RPS6KA3: variants seen among roughly 807,000 people sequenced by gnomAD.
RPS6KA3 encodes the protein ribosomal protein S6 kinase A3.
A neutral mutation model predicts 67.2 loss-of-function variants in RPS6KA3; 4 were observed. The observed-to-expected ratio is 0.06, with a 90% CI of 0.03 to 0.14. RPS6KA3 has a LOEUF of 0.14. Ranked by LOEUF, RPS6KA3 falls within the 10% of genes least tolerant of loss-of-function variation. RPS6KA3 has a pLI of 1.00. For missense variants in RPS6KA3, 204 were observed against 559.0 expected, an observed-to-expected ratio of 0.36 and a Z score of 6.40; for synonymous variants, 182 against 183.7, an observed-to-expected ratio of 0.99 and a Z score of 0.07.
At chrX:20,224,820 C>T (rs1211918012) in intron 2 of RPS6KA3, among the ~76,000 whole-genome samples, 2 of 111,273 alleles carry the variant, frequency 1.8e-5, no homozygotes, top group Admixed American at 1.9e-4. Context: ...AATCTCCCGT[C>T]GGCATGAAGA....
intron 10 of RPS6KA3, among the ~76,000 whole-genome samples, chrX:20,178,239 T>C (rs1290555276): frequency 9.0e-6 from 1 of 110,765 alleles, no homozygotes; most frequent in Non-Finnish European, 1.9e-5. Context: ...GGATATTTAA[T>C]TTAACATGGG....
chrX:20,218,889 G>A, intron 2 of RPS6KA3: 1 of 1,084,462 alleles, frequency 9.2e-7, no homozygotes. Context: ...TAAAACTTAA[G>A]TTAGAAAGGG....
chrX:20,227,835 TA>T (rs555606011), intron 2 of RPS6KA3, among the ~76,000 whole-genome samples: 13 of 109,798 alleles, frequency 1.2e-4, no homozygotes, highest in Non-Finnish European at 2.5e-4. Flanking sequence ...TATTACAACG[TA>T]AAAAAAAATG....
rs2067702529 is a variant in RPS6KA3 at position 20,176,461 on chromosome X, A to G, written c.972T>C (p.His324=). ...GPDGVEEIKR[H]SFFSTIDWNK... is the part of the protein sequence containing the mutation. ...TCCAGTCTATCGTTGAGAAAAATGA[A>G]TGTCTTTTAATTTCTTCAACTCCAT... Residue 324 remains histidine, a synonymous_variant, in exon 12 of 22, where the codon CAT becomes CAC. Transcript: ENST00000379565. 1 of 1,195,761 alleles carries G rather than the reference A, an allele frequency of 8.4e-7. No homozygotes were observed. The highest frequency in any genetic ancestry group is 1.1e-6 in the Non-Finnish European group (1 of 881,510).
intron 1 of RPS6KA3, among the ~76,000 whole-genome samples, chrX:20,244,490 A>G (rs906736615): frequency 8.9e-6 from 1 of 112,667 alleles, no homozygotes; most frequent in Non-Finnish European, 1.9e-5. Context: ...CTACAGTGCT[A>G]CCTGTGTTAC....
rs767581491 is a variant in RPS6KA3, at chrX:20,164,833, G to A, written c.1764+66C>T. On this transcript the variant is annotated intron_variant, in intron 18 of 21. Transcript: ENST00000379565. ...TCAATTAAATTATTATTAATAATTC[G>A]GTATTAAACATAGTGAATGAGTTTT... The A allele has an allele frequency of 5.4e-5, 42 of 779,279 alleles. No homozygotes were observed. The East Asian group carries it at 1.1e-3, about 19-fold the overall frequency. The allele number at this position is 779,279 out of a possible 1,213,427, so 64.2% of individuals were successfully genotyped here. A position where few individuals can be genotyped will look rare whatever the true frequency, so the allele number is the denominator to read the frequency against.
At chrX:20,197,318 C>A (rs2068300109) in intron 4 of RPS6KA3, among the ~76,000 whole-genome samples, 1 of 112,566 alleles carries the variant, frequency 8.9e-6, no homozygotes, top group African/African-American at 3.2e-5. Context: ...GTATACAAGG[C>A]TTATCACTTA....
chrX:20,248,873 T>C (rs937297882), intron 1 of RPS6KA3, among the ~76,000 whole-genome samples: 1 of 110,848 alleles, frequency 9.0e-6, no homozygotes, highest in Non-Finnish European at 1.9e-5. Flanking sequence ...TATGTAGCTG[T>C]GTTTTCTAGG....
chrX:20,215,163 T>A lies in RPS6KA3; in HGVS notation c.127-5759A>T, dbSNP rs1256399895. 2.7e-5 allele frequency among the ~76,000 whole-genome samples: 3 copies of A among 111,406 alleles called. No individual in the cohort carries two copies. In the East Asian group the frequency reaches 8.4e-4, roughly 31 times the overall value. ...TTATCTTCCCACTTTCATACTAAATTTTTTATCCTGGCAAATCTTAAAGTA... is the reference window on the plus strand; with the variant it reads ...TTATCTTCCCACTTTCATACTAAATATTTTATCCTGGCAAATCTTAAAGTA... On this transcript the variant is annotated intron_variant, in intron 2 of 21. Transcript: ENST00000379565.
chrX:20,214,841 C>CTTTT (rs753632500), intron 2 of RPS6KA3, among the ~76,000 whole-genome samples: 1 of 90,359 alleles, frequency 1.1e-5, no homozygotes, highest in Non-Finnish European at 2.2e-5. Context: ...TTCTTTTTTT[C>CTTTT]TTTTTTTTTT....
At chrX:20,218,877 G>A (rs780236361) in intron 2 of RPS6KA3, 16 of 1,155,639 alleles carry the variant, frequency 1.4e-5, no homozygotes, top group Middle Eastern at 2.4e-4. Context: ...AATTTCTGAC[G>A]GTAAAACTTA....
In RPS6KA3 at chrX:20,266,732, GGCGGCGGCGGCGGCGGCA is replaced by G. The variant is rs921062160; in HGVS notation, c.-118_-101del. 2.0e-4 allele frequency: 58 copies of G among 285,606 alleles called. No homozygotes were observed. The highest frequency in any genetic ancestry group is 6.0e-4 in the African/African-American group (7 of 11,662). The allele number at this position is 285,606 out of a possible 1,213,427, so 23.5% of individuals were successfully genotyped here. A position where few individuals can be genotyped will look rare whatever the true frequency, so the allele number is the denominator to read the frequency against. ...GCCCGAGCCCCACGGCAGCGGCGGCGGCGGCGGCGGCGGCGGCAGCGGCAGCGGCAGCGGCAGCAGCAG... is the reference window on the plus strand; with the variant it reads ...GCCCGAGCCCCACGGCAGCGGCGGCGGCGGCAGCGGCAGCGGCAGCAGCAG... On this transcript the variant is annotated 5_prime_UTR_variant, in exon 1 of 22. Coordinates refer to ENST00000379565, the MANE Select transcript of RPS6KA3 (RefSeq NM_004586.3).
At chrX:20,263,222 T>C (rs1488701629) in intron 1 of RPS6KA3, among the ~76,000 whole-genome samples, 1 of 111,787 alleles carries the variant, frequency 8.9e-6, no homozygotes, top group Non-Finnish European at 1.9e-5. Flanking sequence ...CCTACTCTAT[T>C]GCAGTGGAGA....
At chrX:20,203,372 C>G (rs1379980568) in intron 4 of RPS6KA3, 1 of 109,067 alleles carries the variant, frequency 9.2e-6, no homozygotes, top group African/African-American at 3.4e-5. Flanking sequence ...AAGCGATTCT[C>G]TTGCCTCAGC....
intron 10 of RPS6KA3, among the ~76,000 whole-genome samples, chrX:20,185,524 C>A (rs2067959597): frequency 9.0e-6 from 1 of 111,175 alleles, no homozygotes. Flanking sequence ...GTAGCTGGGA[C>A]TACAGGTGCT....
intron 20 of RPS6KA3, among the ~76,000 whole-genome samples, chrX:20,159,021 T>C (rs989735558): frequency 8.9e-6 from 1 of 112,321 alleles, no homozygotes; most frequent in African/African-American, 3.2e-5. Context: ...ACTACTTCTT[T>C]TGTATTCTAC....
intron 20 of RPS6KA3, among the ~76,000 whole-genome samples, chrX:20,159,396 T>A: frequency 8.9e-6 from 1 of 112,526 alleles, no homozygotes; most frequent in East Asian, 2.8e-4. Flanking sequence ...ACTGACAACA[T>A]TCACATATGC....
chrX:20,221,491 C>T (rs992555435), intron 2 of RPS6KA3, among the ~76,000 whole-genome samples: 36 of 111,866 alleles, frequency 3.2e-4, no homozygotes, highest in African/African-American at 1.1e-3. Context: ...CCAGTCTTTT[C>T]TATGCACATA....
chrX:20,258,850 A>G (rs2070144381), intron 1 of RPS6KA3, among the ~76,000 whole-genome samples: 1 of 112,027 alleles, frequency 8.9e-6, no homozygotes, highest in African/African-American at 3.2e-5. Context: ...TTATGAGAAC[A>G]ACAGAAAAGG....
Sources: allele counts gnomAD v4.1 joint callset (sites outside exome capture counted in the v4.1 genomes callset), GRCh38; gene constraint gnomAD v4.1.1; transcripts MANE v1.5; gene names NCBI Gene and HGNC (gene_info 2026-07-23, HGNC 2026-07-21).